The following CCDC30 variants were observed in gnomAD, a reference collection of about 807,000 sequenced individuals.
CCDC30 encodes the protein coiled-coil domain containing 30, also known as coiled-coil domain-containing protein 30.
A neutral mutation model predicts 100.2 loss-of-function variants in CCDC30; 70 were observed. That is an observed-to-expected ratio of 0.70 (90% CI 0.58 to 0.85). The LOEUF (loss-of-function observed/expected upper bound fraction) is 0.85, where lower values mean the gene tolerates loss of function less well. CCDC30 is among the 40% of genes least tolerant of loss of function. CCDC30 has a pLI of 0.00. For missense variants in CCDC30, 652 were observed against 771.2 expected, an observed-to-expected ratio of 0.85 and a Z score of 1.83; for synonymous variants, 233 against 269.5, an observed-to-expected ratio of 0.86 and a Z score of 1.33.
exon 7 of CCDC30, chr1:42,566,297 A>T: frequency 1.2e-6 from 2 of 1,611,868 alleles, no homozygotes; most frequent in Non-Finnish European, 1.7e-6. Context: ...TTGCTTTAGC[A>T]TCCATCATCT....
At chr1:42,494,665 A>G (rs1644200928) in intron 4 of CCDC30, among the ~76,000 whole-genome samples, 1 of 147,696 alleles carries the variant, frequency 6.8e-6, no homozygotes, top group Non-Finnish European at 1.5e-5. Flanking sequence ...ACAAGAAAAA[A>G]ACAAACAACC....
intron 10 of CCDC30, among the ~76,000 whole-genome samples, chr1:42,602,969 A>G (rs1220050978): frequency 6.6e-6 from 1 of 152,274 alleles, no homozygotes; most frequent in Non-Finnish European, 1.5e-5. Context: ...AACTGGTTCA[A>G]CATTTGAAAA....
intron 12 of CCDC30, among the ~76,000 whole-genome samples, chr1:42,639,966 C>CA (rs71065187): frequency 0.023 from 2,769 of 120,980 alleles, 72 homozygotes; most frequent in African/African-American, 0.071. Context: ...AACTTCGTCT[C>CA]AAAAAAAAAA....
chr1:42,470,297 T>TG (rs1190277628), intron 1 of CCDC30, among the ~76,000 whole-genome samples: 1 of 151,336 alleles, frequency 6.6e-6, no homozygotes, highest in Non-Finnish European at 1.5e-5. Context: ...TGGCTATTTT[T>TG]TTTTTAAAGT....
At chr1:42,603,240 T>C (rs1279378832) in intron 10 of CCDC30, among the ~76,000 whole-genome samples, 1 of 152,178 alleles carries the variant, frequency 6.6e-6, no homozygotes, top group Non-Finnish European at 1.5e-5. Flanking sequence ...GGAGGAACTC[T>C]TTGTCTTCAC....
chr1:42,582,995 C>A (rs1263014443), intron 9 of CCDC30, among the ~76,000 whole-genome samples: 2 of 152,152 alleles, frequency 1.3e-5, no homozygotes, highest in Non-Finnish European at 2.9e-5. Flanking sequence ...TAAGCTGAAT[C>A]AATTGAGATG....
chr1:42,535,413 G>GT (rs1309703458), intron 6 of CCDC30, among the ~76,000 whole-genome samples: 1 of 151,692 alleles, frequency 6.6e-6, no homozygotes, highest in Non-Finnish European at 1.5e-5. Context: ...GGATGCCATT[G>GT]TTGGAAACCA....
chr1:42,503,989 G>A (rs914099815), intron 6 of CCDC30, among the ~76,000 whole-genome samples: 11 of 152,110 alleles, frequency 7.2e-5, no homozygotes, highest in African/African-American at 2.4e-4. Context: ...TGAGAGCCCC[G>A]AACAGAGATT....
At chr1:42,566,346 A>C (rs369781327) in exon 7 of CCDC30, 1 of 1,613,838 alleles carries the variant, frequency 6.2e-7, no homozygotes, top group Non-Finnish European at 8.5e-7. Flanking sequence ...GGGAAGTACA[A>C]CAACTTCACC....
intron 6 of CCDC30, among the ~76,000 whole-genome samples, chr1:42,505,589 G>A (rs1466075519): frequency 6.6e-6 from 1 of 152,156 alleles, no homozygotes; most frequent in East Asian, 1.9e-4. Flanking sequence ...TTTGCATAAA[G>A]TGCAACAAGA....
At chr1:42,568,267 A>G (rs1645649623) in intron 7 of CCDC30, among the ~76,000 whole-genome samples, 1 of 152,114 alleles carries the variant, frequency 6.6e-6, no homozygotes, top group Non-Finnish European at 1.5e-5. Flanking sequence ...GGCGCATGTC[A>G]CCACGCCCAG....
upstream of CCDC30, chr1:42,460,161 G>A: frequency 8.0e-7 from 1 of 1,243,670 alleles, no homozygotes; most frequent in Non-Finnish European, 1.0e-6. Context: ...AGAGCTTATT[G>A]GGAATTATAT....
intron 6 of CCDC30, among the ~76,000 whole-genome samples, chr1:42,530,079 T>G (rs1228578982): frequency 6.6e-6 from 1 of 152,164 alleles, no homozygotes; most frequent in Admixed American, 6.5e-5. Flanking sequence ...GTCAGCCTGC[T>G]CCTGACATGC....
intron 9 of CCDC30, among the ~76,000 whole-genome samples, chr1:42,587,770 C>T (rs1297054266): frequency 6.6e-6 from 1 of 152,204 alleles, no homozygotes; most frequent in Non-Finnish European, 1.5e-5. Context: ...ATCATCATCA[C>T]AGTCTTCAAG....
chr1:42,575,577 G>C (rs1018758974), intron 7 of CCDC30, among the ~76,000 whole-genome samples: 1 of 144,248 alleles, frequency 6.9e-6, no homozygotes, highest in Non-Finnish European at 1.5e-5. Flanking sequence ...GTGAACCCGG[G>C]AGGCAGAGCT....
intron 11 of CCDC30, among the ~76,000 whole-genome samples, chr1:42,636,031 G>A (rs189377460): frequency 4.2e-4 from 64 of 152,218 alleles, no homozygotes; most frequent in Non-Finnish European, 1.3e-4. Flanking sequence ...TTCCTTAATG[G>A]CTAGTAATGT....
At position 42,476,672 on chromosome 1, in the gene CCDC30, AG is replaced by A. The variant is rs1247100473; in HGVS notation, c.-91-3787del. Among the ~76,000 whole-genome samples the A allele has an allele frequency of 3.6e-3, 537 of 151,066 alleles. 3 individuals carry two copies. The highest frequency in any genetic ancestry group is 0.013 in the African/African-American group (516 of 41,190). ...GCCGTTGCACTCCAGCCTGGGCAAA[AG>A]GAGTGAAACTCCTTCTCAAAAAAAA... On this transcript the variant is annotated intron_variant, in intron 1 of 16. Coordinates refer to ENST00000668663, the Ensembl canonical transcript of CCDC30.
intron 6 of CCDC30, among the ~76,000 whole-genome samples, chr1:42,518,108 T>C (rs1644583394): frequency 6.6e-6 from 1 of 152,212 alleles, no homozygotes. Flanking sequence ...AACATGAATG[T>C]CTTTCCATTT....
At chr1:42,597,141 A>C (rs1274010585) in intron 10 of CCDC30, among the ~76,000 whole-genome samples, 1 of 152,244 alleles carries the variant, frequency 6.6e-6, no homozygotes, top group African/African-American at 2.4e-5. Context: ...AAACAACAGA[A>C]TATCTAAGAT....
Sources: gnomAD v4.1 joint callset for allele counts (sites outside exome capture counted in the v4.1 genomes callset) on GRCh38, gnomAD v4.1.1 for gene constraint, MANE v1.5 for transcripts, NCBI Gene and HGNC (gene_info 2026-07-23, HGNC 2026-07-21) for gene names.